Variants in MTUS1 observed in about 807,000 individuals in gnomAD.
The protein encoded by MTUS1 is microtubule associated scaffold protein 1.
Under a neutral mutation model 120.8 loss-of-function variants are expected in MTUS1, and 109 were observed. The observed-to-expected ratio is 0.90, with a 90% CI of 0.77 to 1.06. The LOEUF (loss-of-function observed/expected upper bound fraction) is 1.06, where lower values mean the gene tolerates loss of function less well. Among genes scored for constraint, MTUS1 ranks in the 50% least tolerant of loss-of-function variants. The pLI is 0.00. For synonymous variants in MTUS1, 737 were observed against 550.5 expected (o/e 1.34, Z -4.74); for missense variants, 2,210 against 1,486.3 (o/e 1.49, Z -8.01).
At chr8:17,795,770 G>T (rs965438897) in intron 1 of MTUS1, among the ~76,000 whole-genome samples, 3 of 151,518 alleles carry the variant, frequency 2.0e-5, no homozygotes, top group South Asian at 2.1e-4. Flanking sequence ...CTCCCACGTA[G>T]CGGGGATATA....
At chr8:17,692,655 G>C (rs1034075659) in intron 6 of MTUS1, among the ~76,000 whole-genome samples, 1 of 152,184 alleles carries the variant, frequency 6.6e-6, no homozygotes, top group Non-Finnish European at 1.5e-5. Context: ...GGAAACAACA[G>C]ATGGGGGTCT....
At chr8:17,660,971 G>A (rs1430401331) in intron 8 of MTUS1, among the ~76,000 whole-genome samples, 1 of 152,202 alleles carries the variant, frequency 6.6e-6, no homozygotes, top group Non-Finnish European at 1.5e-5. Context: ...CTTTGGGACT[G>A]AATATTAAAA....
intron 6 of MTUS1, among the ~76,000 whole-genome samples, chr8:17,707,295 A>G (rs922030233): frequency 6.6e-6 from 1 of 152,224 alleles, no homozygotes; most frequent in East Asian, 1.9e-4. Flanking sequence ...GCTTTTCAGC[A>G]TCATTTTTCA....
chr8:17,646,245 G>T, intron 14 of MTUS1, 106 bp from the exon 15 acceptor site: 1 of 1,214,414 alleles, frequency 8.2e-7, no homozygotes, highest in East Asian at 2.6e-5. Flanking sequence ...ATTCCTTTGG[G>T]ATAAAACAGA....
At chr8:17,766,074 A>C (rs1322879636) in intron 1 of MTUS1, among the ~76,000 whole-genome samples, 3 of 152,210 alleles carry the variant, frequency 2.0e-5, no homozygotes, top group African/African-American at 7.2e-5. Flanking sequence ...AAAAAGCTTA[A>C]TTGTCACTTT....
At chr8:17,683,769 C>T (rs765740510) in intron 7 of MTUS1, among the ~76,000 whole-genome samples, 52 of 152,272 alleles carry the variant, frequency 3.4e-4, no homozygotes, top group Middle Eastern at 6.8e-3. Context: ...GAATTTTAGC[C>T]AGTTCCTGAA....
At chr8:17,723,014 T>G (rs1161407626) in intron 4 of MTUS1, among the ~76,000 whole-genome samples, 1 of 152,248 alleles carries the variant, frequency 6.6e-6, no homozygotes, top group Non-Finnish European at 1.5e-5. Flanking sequence ...AAGGGCCATT[T>G]CTTTTATATC....
intron 1 of MTUS1, among the ~76,000 whole-genome samples, chr8:17,793,311 C>T (rs1251842658): frequency 1.3e-5 from 2 of 152,148 alleles, no homozygotes; most frequent in East Asian, 1.9e-4. Flanking sequence ...AAGCCATGGC[C>T]GTTCAGTCGG....
intron 8 of MTUS1, among the ~76,000 whole-genome samples, chr8:17,671,548 A>T (rs1217575029): frequency 1.3e-5 from 2 of 152,198 alleles, no homozygotes; most frequent in East Asian, 1.9e-4. Flanking sequence ...CAGACAGTGG[A>T]AACACACAGG....
intron 1 of MTUS1, among the ~76,000 whole-genome samples, chr8:17,757,819 G>A (rs1387886357): frequency 2.0e-5 from 3 of 152,108 alleles, no homozygotes; most frequent in Admixed American, 6.5e-5. Flanking sequence ...GAGCCACCAC[G>A]CCCGGCCACT....
chr8:17,652,653 T>G (rs990533328), intron 12 of MTUS1, among the ~76,000 whole-genome samples: 3 of 152,084 alleles, frequency 2.0e-5, no homozygotes, highest in Admixed American at 2.0e-4. Flanking sequence ...CTGGGCAACA[T>G]GGTAAAATCC....
chr8:17,653,600 G>T, intron 10 of MTUS1, 102 bp from the exon 11 acceptor site: 1 of 802,486 alleles, frequency 1.2e-6, no homozygotes, highest in Non-Finnish European at 2.0e-6. Flanking sequence ...TGATGAAGCC[G>T]TATGACGTTA....
intron 5 of MTUS1, among the ~76,000 whole-genome samples, chr8:17,713,465 T>G (rs955298852): frequency 6.6e-6 from 1 of 152,152 alleles, no homozygotes; most frequent in African/African-American, 2.4e-5. Context: ...TTAAGTATGA[T>G]ATGAAGTCAC....
At chr8:17,743,274 C>T (rs531793606) in intron 3 of MTUS1, among the ~76,000 whole-genome samples, 6 of 152,300 alleles carry the variant, frequency 3.9e-5, no homozygotes, top group Non-Finnish European at 5.9e-5. Flanking sequence ...CCGTACAACA[C>T]TTCAGCATTG....
At chr8:17,749,134 T>C (rs889691214) in intron 2 of MTUS1, among the ~76,000 whole-genome samples, 5 of 151,996 alleles carry the variant, frequency 3.3e-5, no homozygotes, top group African/African-American at 9.7e-5. Context: ...CTCCGAAGGG[T>C]TGGAATTCAG....
chr8:17,655,802 C>G, intron 9 of MTUS1, 61 bp downstream of exon 9: 3 of 1,444,218 alleles, frequency 2.1e-6, no homozygotes, highest in Non-Finnish European at 2.9e-6. Flanking sequence ...ATGTGAAGAG[C>G]AACCAGGATT....
rs571753568 is a variant in MTUS1, at chr8:17,759,651, C to T, written c.-154-3690G>A. ...TTTTATATATTTATATATAAAAATACGTAATATAAAATATATATATTATAT... is the reference window on the plus strand; with the variant it reads ...TTTTATATATTTATATATAAAAATATGTAATATAAAATATATATATTATAT... On this transcript the variant is annotated intron_variant, in intron 1 of 14. Coordinates refer to ENST00000693296, the MANE Select transcript of MTUS1 (RefSeq NM_001363059.2). Among the ~76,000 whole-genome samples, 626 of 147,048 alleles carry T rather than the reference C, an allele frequency of 4.3e-3. 6 individuals carry two copies. The highest frequency in any genetic ancestry group is 0.015 in the African/African-American group (589 of 40,524).
At chr8:17,710,216 A>T (rs1308833528) in intron 6 of MTUS1, among the ~76,000 whole-genome samples, 1 of 152,096 alleles carries the variant, frequency 6.6e-6, no homozygotes, top group Admixed American at 6.6e-5. Context: ...TTGCGACATC[A>T]ATTGACTCTT....
chr8:17,726,009 C>A (rs1180816174), intron 3 of MTUS1, among the ~76,000 whole-genome samples: 2 of 152,182 alleles, frequency 1.3e-5, no homozygotes, highest in African/African-American at 4.8e-5. Context: ...GCCTCTACCC[C>A]TTCATACACA....
Sources: allele counts gnomAD v4.1 joint callset (sites outside exome capture counted in the v4.1 genomes callset), GRCh38; gene constraint gnomAD v4.1.1; transcripts MANE v1.5; gene names NCBI Gene and HGNC (gene_info 2026-07-23, HGNC 2026-07-21).